The following CFAP20DC variants were observed in gnomAD, a reference collection of about 807,000 sequenced individuals.
The protein encoded by CFAP20DC is CFAP20 domain containing.
In CFAP20DC, 84 loss-of-function variants were observed where a neutral mutation model predicts 101.7. The ratio of observed to expected loss-of-function variants is 0.83; its 90% CI spans 0.69 to 0.99. The LOEUF (loss-of-function observed/expected upper bound fraction) is 0.99, where lower values mean the gene tolerates loss of function less well. Among genes scored for constraint, CFAP20DC ranks in the 50% least tolerant of loss-of-function variants. The pLI, the probability that CFAP20DC is intolerant of heterozygous loss-of-function variation, is 0.00. For missense variants in CFAP20DC, 1,007 were observed against 970.3 expected (o/e 1.04, Z -0.50); for synonymous variants, 359 against 351.2 (o/e 1.02, Z -0.25).
chr3:58,828,834 T>C (rs767554490), intron 14 of CFAP20DC, among the ~76,000 whole-genome samples: 1 of 150,762 alleles, frequency 6.6e-6, no homozygotes, highest in African/African-American at 2.4e-5. Flanking sequence ...TAATCTGTCA[T>C]GGGATTAAGG....
At chr3:58,764,418 T>G (rs1230896279) in intron 15 of CFAP20DC, among the ~76,000 whole-genome samples, 2 of 152,156 alleles carry the variant, frequency 1.3e-5, no homozygotes, top group Admixed American at 1.3e-4. Flanking sequence ...GACCTGATCT[T>G]CCAGGTGCCA....
chr3:58,890,866 T>C (rs1467895122), intron 6 of CFAP20DC, among the ~76,000 whole-genome samples: 2 of 141,768 alleles, frequency 1.4e-5, no homozygotes, highest in Non-Finnish European at 3.0e-5. Context: ...CTAGATGTGA[T>C]GGTGGCTGGG....
At chr3:58,844,966 A>G (rs1181120532) in intron 13 of CFAP20DC, among the ~76,000 whole-genome samples, 1 of 133,070 alleles carries the variant, frequency 7.5e-6, no homozygotes, top group Non-Finnish European at 1.5e-5. Flanking sequence ...GAAACCAATG[A>G]GAACAAAGAC....
chr3:58,862,364 T>C (rs770667426), intron 12 of CFAP20DC: 1 of 985,438 alleles, frequency 1.0e-6, no homozygotes, highest in Non-Finnish European at 1.2e-6. Context: ...AGCTTTATGT[T>C]ATTAAAGGTG....
intron 4 of CFAP20DC, among the ~76,000 whole-genome samples, chr3:58,976,848 A>G (rs2092300831): frequency 6.6e-6 from 1 of 152,072 alleles, no homozygotes; most frequent in Non-Finnish European, 1.5e-5. Flanking sequence ...TCTGCCTGTG[A>G]TGGGATGGTG....
At position 58,747,242 on chromosome 3, in the gene CFAP20DC, C is replaced by T. The variant is rs79141325; in HGVS notation, c.2333-4670G>A. Among the ~76,000 whole-genome samples, 1,173 of 152,292 alleles carry T rather than the reference C, an allele frequency of 7.7e-3. 18 individuals carry two copies. The highest frequency in any genetic ancestry group is 0.027 in the African/African-American group (1,124 of 41,546). On this transcript the variant is annotated intron_variant, in intron 16 of 16. Transcript: ENST00000482387. ...TAATCTATTTACAAACTTTCAGCCT[C>T]ATCCACTCTGAAATTGGTTAACGGC...
At chr3:58,814,005 T>C (rs2074901202) in intron 14 of CFAP20DC, among the ~76,000 whole-genome samples, 1 of 151,948 alleles carries the variant, frequency 6.6e-6, no homozygotes, top group Admixed American at 6.6e-5. Flanking sequence ...TAACAGGTTC[T>C]CTGGACAAAC....
intron 4 of CFAP20DC, among the ~76,000 whole-genome samples, chr3:59,037,221 G>T (rs1424389505): frequency 2.0e-5 from 3 of 152,086 alleles, no homozygotes; most frequent in African/African-American, 7.2e-5. Context: ...ATAGGCATGG[G>T]CAAAGACTTC....
chr3:58,801,453 A>G (rs2073695151), intron 15 of CFAP20DC, among the ~76,000 whole-genome samples: 1 of 152,206 alleles, frequency 6.6e-6, no homozygotes, highest in African/African-American at 2.4e-5. Flanking sequence ...TTTGTTAAAA[A>G]TTCAACTTAC....
At chr3:58,850,607 C>T (rs1166811889) in intron 12 of CFAP20DC, among the ~76,000 whole-genome samples, 1 of 145,548 alleles carries the variant, frequency 6.9e-6, no homozygotes, top group Admixed American at 6.8e-5. Context: ...AAAAAAAAGA[C>T]AAAACAACAA....
intron 16 of CFAP20DC, among the ~76,000 whole-genome samples, chr3:58,743,932 T>A (rs1267237058): frequency 1.3e-5 from 2 of 152,312 alleles, no homozygotes; most frequent in South Asian, 4.2e-4. Context: ...GATCCTTCCA[T>A]GAGCCGGACA....
At chr3:58,727,052 C>T (rs2067563784) in intron 3 of CFAP20DC, 1 of 246,402 alleles carries the variant, frequency 4.1e-6, no homozygotes, top group South Asian at 3.7e-5. Flanking sequence ...AAGGACCCAT[C>T]ACTTCCACTC....
chr3:58,866,327 A>G (rs565870619), intron 11 of CFAP20DC, among the ~76,000 whole-genome samples: 1 of 152,336 alleles, frequency 6.6e-6, no homozygotes, highest in African/African-American at 2.4e-5. Context: ...GGAAAATGTC[A>G]GTTTTAAACT....
chr3:58,790,293 AGTT>A (rs2107628690), intron 15 of CFAP20DC, among the ~76,000 whole-genome samples: 1 of 152,240 alleles, frequency 6.6e-6, no homozygotes, highest in East Asian at 1.9e-4. Context: ...ATTTATTCTC[AGTT>A]GTATATCTTT....
intron 4 of CFAP20DC, among the ~76,000 whole-genome samples, chr3:58,973,625 C>G (rs974104833): frequency 2.6e-5 from 4 of 152,224 alleles, no homozygotes; most frequent in African/African-American, 7.2e-5. Flanking sequence ...CTGCCTCACT[C>G]ACCAGGTGTC....
chr3:58,742,659 T>G lies in CFAP20DC; in HGVS notation c.2333-87A>C, dbSNP rs2067943352. The G allele has an allele frequency of 8.1e-6, 7 of 864,576 alleles. No homozygotes were observed. In the South Asian group the frequency reaches 9.8e-5, roughly 12 times the overall value. The allele number at this position is 864,576 out of a possible 1,614,324, so 53.6% of individuals were successfully genotyped here. A position where few individuals can be genotyped will look rare whatever the true frequency, so the allele number is the denominator to read the frequency against. ...GGGCAACGAAGCAGGAATCACCATC[T>G]CTCCTGGGGGATTTTCTTTATGCAG... On this transcript the variant is annotated intron_variant, in intron 16 of 16. Transcript: ENST00000482387.
chr3:58,771,820 C>T (rs1041540045), intron 15 of CFAP20DC, among the ~76,000 whole-genome samples: 2 of 152,204 alleles, frequency 1.3e-5, no homozygotes, highest in African/African-American at 4.8e-5. Context: ...CTAGCCCAAA[C>T]CCCATTTCCT....
At chr3:58,945,785 C>T (rs913544764) in intron 4 of CFAP20DC, among the ~76,000 whole-genome samples, 3 of 151,788 alleles carry the variant, frequency 2.0e-5, no homozygotes, top group East Asian at 1.9e-4. Flanking sequence ...CAACCTCCGC[C>T]TCCCTGGTTC....
chr3:59,019,079 A>T (rs1425336746), intron 4 of CFAP20DC: 1 of 152,136 alleles, frequency 6.6e-6, no homozygotes, highest in Non-Finnish European at 1.5e-5. Context: ...ATTACTTCAA[A>T]ATAAAAAGTT....
Sources: gnomAD v4.1 joint callset for allele counts (sites outside exome capture counted in the v4.1 genomes callset) on GRCh38, gnomAD v4.1.1 for gene constraint, MANE v1.5 for transcripts, NCBI Gene and HGNC (gene_info 2026-07-23, HGNC 2026-07-21) for gene names.